CDH18: variants seen among roughly 807,000 people sequenced by gnomAD.
CDH18 encodes the protein cadherin-18.
A neutral mutation model predicts 67.9 loss-of-function variants in CDH18; 31 were observed. That is an observed-to-expected ratio of 0.46 (90% CI 0.34 to 0.62). The LOEUF (loss-of-function observed/expected upper bound fraction) is 0.62, where lower values mean the gene tolerates loss of function less well. CDH18 is among the 20% of genes least tolerant of loss of function. The probability of loss-of-function intolerance (pLI) is 0.01; values close to 1 mark genes in which losing one functional copy is unlikely to be tolerated. For synonymous variants in CDH18, 362 were observed against 347.2 expected (o/e 1.04, Z -0.48); for missense variants, 890 against 975.5 (o/e 0.91, Z 1.17).
intron 1 of CDH18, among the ~76,000 whole-genome samples, chr5:20,405,809 G>A (rs2150135822): frequency 6.6e-6 from 1 of 152,290 alleles, no homozygotes; most frequent in East Asian, 1.9e-4. Context: ...AGACATTTAT[G>A]CAGCCAAAAG....
intron 2 of CDH18, among the ~76,000 whole-genome samples, chr5:20,053,791 C>T (rs190255284): frequency 6.6e-6 from 1 of 152,178 alleles, no homozygotes; most frequent in East Asian, 1.9e-4. Context: ...TTCTCAAAAC[C>T]ACAACAAAAG....
intron 1 of CDH18, among the ~76,000 whole-genome samples, chr5:20,309,873 CT>C (rs1736835955): frequency 6.6e-6 from 1 of 152,142 alleles, no homozygotes; most frequent in Non-Finnish European, 1.5e-5. Context: ...TGTCTCTATA[CT>C]TTTTGTATCT....
At chr5:20,501,938 C>A (rs1401210295) in intron 1 of CDH18, among the ~76,000 whole-genome samples, 2 of 151,168 alleles carry the variant, frequency 1.3e-5, no homozygotes, top group Non-Finnish European at 2.9e-5. Flanking sequence ...TTCAAGAAAA[C>A]AGCAAAAGAA....
chr5:20,398,747 A>T (rs1562032587), intron 1 of CDH18, among the ~76,000 whole-genome samples: 2 of 148,136 alleles, frequency 1.4e-5, no homozygotes, highest in Non-Finnish European at 3.0e-5. Context: ...ACGTATACCT[A>T]CATAAAAAAC....
chr5:19,868,436 A>G (rs1275854103), intron 2 of CDH18, among the ~76,000 whole-genome samples: 1 of 152,208 alleles, frequency 6.6e-6, no homozygotes, highest in Non-Finnish European at 1.5e-5. Context: ...CCAGGTCCTC[A>G]GAGAGATGCA....
intron 1 of CDH18, among the ~76,000 whole-genome samples, chr5:20,527,732 G>A (rs1032227735): frequency 2.6e-5 from 4 of 152,006 alleles, no homozygotes; most frequent in South Asian, 2.1e-4. Flanking sequence ...TCACCACCAG[G>A]CCTGCCTTGC....
chr5:20,408,670 A>G lies in CDH18; in HGVS notation c.-579-153165T>C, dbSNP rs550265824. ...ACAAAGCAAGACAGTATAAGAGGGG[A>G]AAAAAGTGCCTAAGAACTAAGAAGA... is the stretch of plus-strand genomic sequence containing the variant. On this transcript the variant is annotated intron_variant, in intron 1 of 14. Transcript: ENST00000507958. Among the ~76,000 whole-genome samples, 48 of 151,940 alleles carry G rather than the reference A, an allele frequency of 3.2e-4. No individual in the cohort carries two copies. The South Asian group carries it at 3.9e-3, about 12-fold the overall frequency.
intron 5 of CDH18, among the ~76,000 whole-genome samples, chr5:19,614,204 A>T (rs983237037): frequency 6.6e-6 from 1 of 151,786 alleles, no homozygotes; most frequent in African/African-American, 2.4e-5. Flanking sequence ...GTAAATCACT[A>T]TTTTCTTTTT....
At chr5:19,716,800 T>G (rs1374261797) in intron 5 of CDH18, among the ~76,000 whole-genome samples, 1 of 152,144 alleles carries the variant, frequency 6.6e-6, no homozygotes, top group Non-Finnish European at 1.5e-5. Context: ...ACTATTTTTA[T>G]GTACCTGACA....
chr5:20,481,105 T>C (rs1752773855), intron 1 of CDH18, among the ~76,000 whole-genome samples: 1 of 151,226 alleles, frequency 6.6e-6, no homozygotes, highest in African/African-American at 2.4e-5. Context: ...ACAGTTCACC[T>C]ATAAAGACAC....
chr5:20,332,379 G>T (rs1384617960), intron 1 of CDH18, among the ~76,000 whole-genome samples: 1 of 151,818 alleles, frequency 6.6e-6, no homozygotes, highest in Non-Finnish European at 1.5e-5. Context: ...TTTACTTCTT[G>T]TCAACTCTTT....
intron 5 of CDH18, among the ~76,000 whole-genome samples, chr5:19,617,839 A>C (rs1244835844): frequency 6.6e-6 from 1 of 152,202 alleles, no homozygotes; most frequent in Non-Finnish European, 1.5e-5. Context: ...TCTGCTGTAC[A>C]CAAGTTCATA....
intron 1 of CDH18, among the ~76,000 whole-genome samples, chr5:20,384,253 C>T (rs946973381): frequency 2.0e-5 from 3 of 152,052 alleles, no homozygotes; most frequent in African/African-American, 7.2e-5. Flanking sequence ...CTCATTTCCC[C>T]CCTTCTCACA....
chr5:20,362,861 G>A (rs889904997), intron 1 of CDH18, among the ~76,000 whole-genome samples: 1 of 152,110 alleles, frequency 6.6e-6, no homozygotes, highest in Admixed American at 6.6e-5. Context: ...CTGAGTTAAA[G>A]TTGAACTGTA....
At chr5:20,153,962 T>C (rs952161685) in intron 2 of CDH18, among the ~76,000 whole-genome samples, 4 of 152,140 alleles carry the variant, frequency 2.6e-5, no homozygotes, top group African/African-American at 9.7e-5. Flanking sequence ...TAAATACACA[T>C]GACATATGTG....
At chr5:20,289,437 G>A (rs1746937907) in intron 1 of CDH18, among the ~76,000 whole-genome samples, 2 of 151,906 alleles carry the variant, frequency 1.3e-5, no homozygotes, top group African/African-American at 4.8e-5. Context: ...ATTTTCAGCA[G>A]TGACTTGTGG....
chr5:19,610,193 G>T (rs1473013328), intron 6 of CDH18, among the ~76,000 whole-genome samples: 1 of 152,000 alleles, frequency 6.6e-6, no homozygotes, highest in African/African-American at 2.4e-5. Context: ...CAGTCATTCT[G>T]CCAGAATGTT....
intron 2 of CDH18, among the ~76,000 whole-genome samples, chr5:20,063,783 TG>T (rs1742719520): frequency 6.6e-6 from 1 of 152,182 alleles, no homozygotes. Flanking sequence ...TAGATATAAA[TG>T]TACCAACCTT....
chr5:20,062,991 CTTTT>C (rs5866413), intron 2 of CDH18, among the ~76,000 whole-genome samples: 1 of 139,154 alleles, frequency 7.2e-6, no homozygotes. Context: ...TTTTTTCTTT[CTTTT>C]TTTTTTTTTT....
Sources: allele counts gnomAD v4.1 joint callset (sites outside exome capture counted in the v4.1 genomes callset), GRCh38; gene constraint gnomAD v4.1.1; transcripts MANE v1.5; gene names NCBI Gene and HGNC (gene_info 2026-07-23, HGNC 2026-07-21).